PDE4D: variants seen among roughly 807,000 people sequenced by gnomAD.
The protein encoded by PDE4D is 3',5'-cyclic-AMP phosphodiesterase 4D.
Under a neutral mutation model 87.4 loss-of-function variants are expected in PDE4D, and 24 were observed. The observed-to-expected ratio is 0.27, with a 90% confidence interval of 0.20 to 0.39. PDE4D has a LOEUF of 0.39. PDE4D is among the 10% of genes least tolerant of loss of function. The probability of loss-of-function intolerance (pLI) is 1.00; values close to 1 mark genes in which losing one functional copy is unlikely to be tolerated. For missense variants in PDE4D, 714 were observed against 1,041.0 expected, an observed-to-expected ratio of 0.69 and a Z score of 4.32; for synonymous variants, 384 against 383.2, an observed-to-expected ratio of 1.00 and a Z score of -0.02.
chr5:59,430,945 T>C (rs1256021421), intron 1 of PDE4D, among the ~76,000 whole-genome samples: 2 of 152,144 alleles, frequency 1.3e-5, no homozygotes, highest in Non-Finnish European at 2.9e-5. Flanking sequence ...GATGGGTATA[T>C]GGAAATGTTA....
At chr5:60,116,942 A>G (rs1778226089) in intron 2 of PDE4D, among the ~76,000 whole-genome samples, 1 of 152,046 alleles carries the variant, frequency 6.6e-6, no homozygotes, top group South Asian at 2.1e-4. Context: ...TCTGAATAAA[A>G]CACCTTACTT....
At position 60,003,692 on chromosome 5, in the gene PDE4D, G is replaced by A. The variant is rs1430314424; in HGVS notation, c.43-14975C>T. ...CCACTGCACTCCAGCCTGGGCAACA[G>A]AGCGAGACTCCATCTAAAAAAAAAA... is the stretch of plus-strand genomic sequence containing the variant. On this transcript the variant is annotated intron_variant, in intron 2 of 16. Coordinates refer to the PDE4D transcript ENST00000502484. Among the ~76,000 whole-genome samples the A allele has an allele frequency of 4.3e-5, 6 of 138,268 alleles. No individual in the cohort carries two copies. In the South Asian group the frequency reaches 1.1e-3, roughly 26 times the overall value. 90.7% of individuals were successfully genotyped at this position (138,268 alleles called of 152,430 possible). A position where few individuals can be genotyped will look rare whatever the true frequency, so the allele number is the denominator to read the frequency against.
chr5:59,158,406 C>T (rs748752298), intron 5 of PDE4D, among the ~76,000 whole-genome samples: 73 of 152,188 alleles, frequency 4.8e-4, no homozygotes, highest in Non-Finnish European at 9.0e-4. Context: ...TATTTTGTTG[C>T]TCTGGGCAAC....
intron 2 of PDE4D, among the ~76,000 whole-genome samples, chr5:60,135,164 G>A (rs1315391262): frequency 6.6e-6 from 1 of 152,214 alleles, no homozygotes; most frequent in East Asian, 1.9e-4. Context: ...AGGTCCAAGA[G>A]AGACCCTTCG....
rs939760573 is a variant in PDE4D, at chr5:59,745,703, C to A, written c.455+147465G>T. ...TCAATCACAGCAAGAGCCACATAAT[C>A]CTTACAGGTTAAAAGGTGCCAGAGC... is the stretch of plus-strand genomic sequence containing the variant. On this transcript the variant is annotated intron_variant, in intron 1 of 14. Transcript: ENST00000340635. Among the ~76,000 whole-genome samples the A allele has an allele frequency of 1.6e-4, 25 of 152,022 alleles. 1 individual carries two copies. The highest frequency in any genetic ancestry group is 1.6e-3 in the Admixed American group (24 of 15,250).
chr5:59,065,686 A>C (rs2153414389), intron 5 of PDE4D, among the ~76,000 whole-genome samples: 1 of 152,306 alleles, frequency 6.6e-6, no homozygotes, highest in East Asian at 1.9e-4. Context: ...GAGACTGTAC[A>C]CCAATAAAAT....
intron 1 of PDE4D, among the ~76,000 whole-genome samples, chr5:59,772,030 C>T (rs1012331054): frequency 6.6e-6 from 1 of 152,166 alleles, no homozygotes; most frequent in South Asian, 2.1e-4. Context: ...ATGCATACTG[C>T]TTTTTAAAAA....
At chr5:60,353,283 A>G (rs2149932151) in intron 1 of PDE4D, among the ~76,000 whole-genome samples, 1 of 152,298 alleles carries the variant, frequency 6.6e-6, no homozygotes, top group Admixed American at 6.5e-5. Context: ...GGACCACCCA[A>G]TCAGGAAGCT....
At chr5:60,046,376 T>G (rs1161924462) in intron 2 of PDE4D, among the ~76,000 whole-genome samples, 1 of 152,196 alleles carries the variant, frequency 6.6e-6, no homozygotes, top group African/African-American at 2.4e-5. Flanking sequence ...CCTGCCTAAT[T>G]GCTCTGGTCA....
chr5:59,529,972 A>G (rs576468707), intron 1 of PDE4D, among the ~76,000 whole-genome samples: 14 of 152,224 alleles, frequency 9.2e-5, no homozygotes, highest in African/African-American at 3.4e-4. Context: ...TGCTTCTCAC[A>G]TTGAAAACAC....
At chr5:58,999,904 T>C (rs1348066811) in intron 6 of PDE4D, 73 of 986,100 alleles carry the variant, frequency 7.4e-5, no homozygotes, top group Non-Finnish European at 8.2e-5. Context: ...GAAAGGCTAG[T>C]CCTGTCAAAA....
intron 1 of PDE4D, among the ~76,000 whole-genome samples, chr5:59,574,142 ATAAATATATATT>A (rs1822675045): frequency 2.2e-4 from 1 of 4,464 alleles, no homozygotes; most frequent in African/African-American, 4.0e-4. Flanking sequence ...ATATATATAT[ATAAATATATATT>A]TATATATATA....
At chr5:59,534,712 A>G (rs187654464) in intron 1 of PDE4D, among the ~76,000 whole-genome samples, 3 of 152,308 alleles carry the variant, frequency 2.0e-5, no homozygotes, top group East Asian at 3.9e-4. Flanking sequence ...TGGAGAGCCA[A>G]TGAGATTTCA....
At chr5:59,316,064 A>T (rs1017341405) in intron 1 of PDE4D, among the ~76,000 whole-genome samples, 5 of 151,998 alleles carry the variant, frequency 3.3e-5, no homozygotes, top group African/African-American at 9.7e-5. Context: ...TCTCAGCTGA[A>T]TTTTTTTCTT....
chr5:60,299,463 G>A lies in PDE4D; in HGVS notation c.-89-113776C>T, dbSNP rs545407967. 8.5e-5 allele frequency among the ~76,000 whole-genome samples: 13 copies of A among 152,254 alleles called. No homozygotes were observed. The South Asian group carries it at 2.7e-3, about 32-fold the overall frequency. On this transcript the variant is annotated intron_variant, in intron 1 of 16. Transcript: ENST00000502484. ...AGGTTTGTTACACAGGTAAACATGT[G>A]CCATGGTGGTTGCTGCACAGATCAT...
intron 1 of PDE4D, among the ~76,000 whole-genome samples, chr5:59,425,242 G>A (rs1186800230): frequency 6.6e-6 from 1 of 152,114 alleles, no homozygotes; most frequent in Non-Finnish European, 1.5e-5. Flanking sequence ...GTATTTTCAT[G>A]AATACCTAAA....
At chr5:59,675,808 G>A (rs185332330) in intron 1 of PDE4D, among the ~76,000 whole-genome samples, 4 of 152,178 alleles carry the variant, frequency 2.6e-5, no homozygotes, top group Non-Finnish European at 4.4e-5. Context: ...TCCCACCTCA[G>A]CCTCCCAAGT....
intron 6 of PDE4D, among the ~76,000 whole-genome samples, chr5:58,999,072 TTCC>T (rs1749874199): frequency 6.6e-6 from 1 of 152,172 alleles, no homozygotes; most frequent in African/African-American, 2.4e-5. Context: ...AAAAAACGTA[TTCC>T]TCGTCAGGTT....
At chr5:60,310,835 T>A (rs1754962335) in intron 1 of PDE4D, among the ~76,000 whole-genome samples, 2 of 152,210 alleles carry the variant, frequency 1.3e-5, no homozygotes, top group Non-Finnish European at 2.9e-5. Context: ...TTTATGCCTT[T>A]TGTACAAGTA....
Sources: allele counts gnomAD v4.1 joint callset (sites outside exome capture counted in the v4.1 genomes callset), GRCh38; gene constraint gnomAD v4.1.1; transcripts MANE v1.5; gene names NCBI Gene and HGNC (gene_info 2026-07-23, HGNC 2026-07-21).